The following PCDHGA6 variants were observed in gnomAD, a reference collection of about 807,000 sequenced individuals.
PCDHGA6 encodes the protein protocadherin gamma-A6.
In PCDHGA6, 41 loss-of-function variants were observed where a neutral mutation model predicts 60.6. The ratio of observed to expected loss-of-function variants is 0.68; its 90% CI spans 0.53 to 0.88. The LOEUF is 0.88. Among genes scored for constraint, PCDHGA6 ranks in the 40% least tolerant of loss-of-function variants. The pLI, the probability that PCDHGA6 is intolerant of heterozygous loss-of-function variation, is 0.00. For missense variants in PCDHGA6, 1,312 were observed against 1,203.0 expected, an observed-to-expected ratio of 1.09 and a Z score of -1.34; for synonymous variants, 594 against 524.4, an observed-to-expected ratio of 1.13 and a Z score of -1.81.
In PCDHGA6 at chr5:141,432,091, C is replaced by A. The variant is rs370491149; in HGVS notation, c.2424+55584C>A. ...CTCATATCTCGCTGAACGTGGCAGA[C>A]ACCAACGACAACCCGCCGGTCTTCC... On this transcript the variant is annotated intron_variant, in intron 1 of 3. Coordinates refer to ENST00000517434, the MANE Select transcript of PCDHGA6 (RefSeq NM_018919.3). This position sits in a 1 kb window ranked among gnomAD's most constrained non-coding sequence, Gnocchi z 6.0. 6.2e-7 allele frequency: 1 copy of A among 1,614,056 alleles called. No individual in the cohort carries two copies. Among genetic ancestry groups the A allele is most frequent in the African/African-American group, 1.3e-5 (1 of 74,908 alleles).
chr5:141,414,378 C>T lies in PCDHGA6; in HGVS notation c.2424+37871C>T, dbSNP rs958748519. ...ATCTACCATTTAAATTAGAAAAGTC[C>T]ATTGACAGTTATTACAGATTGGTGA... On this transcript the variant is annotated intron_variant, in intron 1 of 3. Coordinates refer to ENST00000517434, the MANE Select transcript of PCDHGA6 (RefSeq NM_018919.3). 3.1e-6 allele frequency: 5 copies of T among 1,613,736 alleles called. No individual in the cohort carries two copies. In the African/African-American group the frequency reaches 5.3e-5, roughly 17 times the overall value.
At chr5:141,392,229 TTC>T (rs1184019586) in intron 1 of PCDHGA6, 5 of 152,224 alleles carry the variant, frequency 3.3e-5, no homozygotes, top group Admixed American at 6.5e-5. Context: ...ACAACTGAAG[TTC>T]TTAGTTATTT....
intron 1 of PCDHGA6, chr5:141,393,983 A>T: frequency 1.9e-6 from 3 of 1,613,710 alleles, no homozygotes; most frequent in Non-Finnish European, 2.5e-6. Context: ...GTGATAATTT[A>T]CCTTTTAAAT....
Position 141,495,011 on chromosome 5 carries a change from G to A in PCDHGA6, c.2483+146G>A, listed in dbSNP as rs2099758277. On this transcript the variant is annotated intron_variant, in intron 2 of 3. Coordinates refer to ENST00000517434, the MANE Select transcript of PCDHGA6 (RefSeq NM_018919.3). ...CCAGGGAGGTCTTGGTGTGCGGGGG[G>A]CTGGCACACAGACCCCGGAAGGAAG... is the stretch of plus-strand genomic sequence containing the variant. 4.6e-6 allele frequency: 7 copies of A among 1,512,044 alleles called. No individual in the cohort carries two copies. In the East Asian group the frequency reaches 1.5e-4, roughly 32 times the overall value. 93.7% of individuals were successfully genotyped at this position (1,512,044 alleles called of 1,614,324 possible).
intron 1 of PCDHGA6, among the ~76,000 whole-genome samples, chr5:141,473,366 A>T (rs1292258135): frequency 1.3e-5 from 2 of 152,202 alleles, no homozygotes; most frequent in Non-Finnish European, 2.9e-5. Context: ...GGCCACCAAA[A>T]TAGCATGGTC....
chr5:141,486,409 C>G lies in PCDHGA6; in HGVS notation c.2425-8398C>G, dbSNP rs1396288134. On this transcript the variant is annotated intron_variant, in intron 1 of 3. Coordinates refer to ENST00000517434, the MANE Select transcript of PCDHGA6 (RefSeq NM_018919.3). The surrounding 1 kb of genome is among the most constrained non-coding windows in gnomAD (Gnocchi z 5.0). Reference sequence around the variant, plus strand: ...AGTTCTCCCTGGTGACTGCTGGACCCTTGGATCGAGAGGCCAAATCTAGCT... The same window carrying G: ...AGTTCTCCCTGGTGACTGCTGGACCGTTGGATCGAGAGGCCAAATCTAGCT... 6.2e-7 allele frequency: 1 copy of G among 1,614,170 alleles called. No individual in the cohort carries two copies. Among genetic ancestry groups the G allele is most frequent in the East Asian group, 2.2e-5 (1 of 44,874 alleles).
chr5:141,433,098 T>G, intron 1 of PCDHGA6: 1 of 1,614,204 alleles, frequency 6.2e-7, no homozygotes, highest in Non-Finnish European at 8.5e-7. Context: ...GACATGCTCG[T>G]CAGCCAGGAG....
chr5:141,435,853 T>C (rs1034164236), intron 1 of PCDHGA6, among the ~76,000 whole-genome samples: 1 of 152,110 alleles, frequency 6.6e-6, no homozygotes, highest in African/African-American at 2.4e-5. Context: ...AAAGATACAA[T>C]AGTTAAAACC....
At position 141,432,394 on chromosome 5, in the gene PCDHGA6, C is replaced by G; in HGVS notation, c.2424+55887C>G. 1 of 1,614,260 alleles carries G rather than the reference C, an allele frequency of 6.2e-7. No individual in the cohort carries two copies. The highest frequency in any genetic ancestry group is 8.5e-7 in the Non-Finnish European group (1 of 1,180,050). On this transcript the variant is annotated intron_variant, in intron 1 of 3. Transcript: ENST00000517434. This position sits in a 1 kb window ranked among gnomAD's most constrained non-coding sequence, Gnocchi z 6.0. The stretch of plus-strand genomic sequence containing the variant: ...ACGGGCACCCGCCCCTCAGCAGCAA[C>G]GTGTCGTTGAGCCTGTTCGTGCTGG...
chr5:141,433,397 A>ATCTG (rs1179042498), intron 1 of PCDHGA6, among the ~76,000 whole-genome samples: 9 of 150,410 alleles, frequency 6.0e-5, no homozygotes, highest in Non-Finnish European at 1.0e-4. Context: ...CTATCTATCT[A>ATCTG]TCTATCTATT....
chr5:141,483,916 A>C (rs1377841777), intron 1 of PCDHGA6, among the ~76,000 whole-genome samples: 1 of 144,996 alleles, frequency 6.9e-6, no homozygotes, highest in African/African-American at 2.5e-5. Flanking sequence ...TCCCACTCAG[A>C]TTGCAGGTCG....
At position 141,447,418 on chromosome 5, in the gene PCDHGA6, G is replaced by A. The variant is rs113957183; in HGVS notation, c.2425-47389G>A. On this transcript the variant is annotated intron_variant, in intron 1 of 3. Transcript: ENST00000517434. ...CTCCCAAAGTGCTGGGATTACAGGC[G>A]TGAGCCACCGCACCCGGAGGAAATT... Among the ~76,000 whole-genome samples, 1,263 of 152,230 alleles carry A rather than the reference G, an allele frequency of 8.3e-3. 17 individuals carry two copies. The highest frequency in any genetic ancestry group is 0.029 in the African/African-American group (1,197 of 41,538).
intron 1 of PCDHGA6, chr5:141,384,697 C>CA (rs1290309898): frequency 6.2e-7 from 1 of 1,614,142 alleles, no homozygotes; most frequent in Non-Finnish European, 8.5e-7. Context: ...AGATTCAGGC[C>CA]AGAACGCCTG....
chr5:141,389,576 G>C, intron 1 of PCDHGA6: 1 of 1,613,196 alleles, frequency 6.2e-7, no homozygotes, highest in East Asian at 2.2e-5. Context: ...TGTACCCCGC[G>C]CTGGGTCCCG....
chr5:141,379,295 G>A (rs928710321), intron 1 of PCDHGA6: 3 of 152,044 alleles, frequency 2.0e-5, no homozygotes, highest in African/African-American at 7.2e-5. Context: ...AGTTTCCAAA[G>A]GTATATACCT....
At chr5:141,396,636 A>G (rs1206522598) in intron 1 of PCDHGA6, 1 of 152,050 alleles carries the variant, frequency 6.6e-6, no homozygotes, top group African/African-American at 2.4e-5. Context: ...AAAAAAAACT[A>G]ATATTAATAG....
In PCDHGA6 at chr5:141,489,242, TG is replaced by T; in HGVS notation, c.2425-5561del. 6.5e-7 allele frequency: 1 copy of T among 1,534,498 alleles called. No homozygotes were observed. The highest frequency in any genetic ancestry group is 2.3e-5 in the East Asian group (1 of 44,312). On this transcript the variant is annotated intron_variant, in intron 1 of 3. Transcript: ENST00000517434. The surrounding 1 kb of genome is among the most constrained non-coding windows in gnomAD (Gnocchi z 4.5). ...TCTCCACAAAGGGACTTCTGGGTCA[TG>T]GGGCCCAAGACACTCCCACAGCTCG...
intron 1 of PCDHGA6, chr5:141,404,476 C>T (rs1453332441): frequency 6.2e-7 from 1 of 1,613,362 alleles, no homozygotes; most frequent in South Asian, 1.1e-5. Context: ...TCTCTATTAA[C>T]TCAGACACTG....
In PCDHGA6 at chr5:141,493,811, A is replaced by T. The variant is rs956872917; in HGVS notation, c.2425-996A>T. Reference sequence around the variant, plus strand: ...CTCCCTGGAGTAATCTGAGATACTCACACTCTCTGCTTCTGGGAGCAAGTA... The same window carrying T: ...CTCCCTGGAGTAATCTGAGATACTCTCACTCTCTGCTTCTGGGAGCAAGTA... On this transcript the variant is annotated intron_variant, in intron 1 of 3. Transcript: ENST00000517434. The surrounding 1 kb of genome is among the most constrained non-coding windows in gnomAD (Gnocchi z 4.3). Among the ~76,000 whole-genome samples the T allele has an allele frequency of 1.3e-5, 2 of 152,154 alleles. No homozygotes were observed. The highest frequency in any genetic ancestry group is 2.9e-5 in the Non-Finnish European group (2 of 68,036).
Sources: allele counts gnomAD v4.1 joint callset (sites outside exome capture counted in the v4.1 genomes callset), GRCh38; gene constraint gnomAD v4.1.1; non-coding constraint Gnocchi (gnomAD v3.1); transcripts MANE v1.5; gene names NCBI Gene and HGNC (gene_info 2026-07-23, HGNC 2026-07-21).